Variants in MXRA7 observed in about 807,000 individuals in gnomAD.
The protein encoded by MXRA7 is matrix remodeling associated 7.
MXRA7 carries 18 observed loss-of-function variants against 17.4 expected under a neutral mutation model. That is an observed-to-expected ratio of 1.03 (90% confidence interval 0.71 to 1.53). The LOEUF (loss-of-function observed/expected upper bound fraction) is 1.53. MXRA7 is among the 40% of genes most tolerant of loss of function. The pLI, the probability that MXRA7 is intolerant of heterozygous loss-of-function variation, is 0.00. For synonymous variants in MXRA7, 70 were observed against 101.7 expected (o/e 0.69, Z 1.87); for missense variants, 141 against 209.3 (o/e 0.67, Z 2.01).
intron 2 of MXRA7, among the ~76,000 whole-genome samples, chr17:76,686,237 G>A (rs1326170619): frequency 6.6e-6 from 1 of 152,262 alleles, no homozygotes; most frequent in East Asian, 1.9e-4. Context: ...CCAGCACCTT[G>A]GGAGGCCAAG....
rs775475703 is a variant in MXRA7 at position 76,681,476 on chromosome 17, G to A, written c.501-597C>T. Among the ~76,000 whole-genome samples the A allele has an allele frequency of 1.3e-5, 2 of 152,084 alleles. No homozygotes were observed. Among genetic ancestry groups the A allele is most frequent in the Non-Finnish European group, 2.9e-5 (2 of 68,016 alleles). On this transcript the variant is annotated intron_variant, in intron 3 of 3. Coordinates refer to ENST00000449428, the MANE Select transcript of MXRA7 (RefSeq NM_198530.4). This position sits in a 1 kb window ranked among gnomAD's most constrained non-coding sequence, Gnocchi z 4.7. ...CTGAGCTGGAAATTCACACTGGCAG[G>A]TCTATTGTCTGTAGTTTCTTGCATA...
In MXRA7 at chr17:76,681,024, T is replaced by G; in HGVS notation, c.501-145A>C. 1.4e-6 allele frequency: 1 copy of G among 712,892 alleles called. No homozygotes were observed. The highest frequency in any genetic ancestry group is 2.4e-6 in the Non-Finnish European group (1 of 415,636). The allele number at this position is 712,892 out of a possible 1,614,324, so 44.2% of individuals were successfully genotyped here. ...GCTAGACTCTGGTTTCTCAAACCAC[T>G]GCTGATTTGCTTCTCATCGCTTGCA... On this transcript the variant is annotated intron_variant, in intron 3 of 3. Coordinates refer to ENST00000449428, the MANE Select transcript of MXRA7 (RefSeq NM_198530.4). This position sits in a 1 kb window ranked among gnomAD's most constrained non-coding sequence, Gnocchi z 4.7.
chr17:76,710,267 AGG>A (rs1567992866), intron 1 of MXRA7, among the ~76,000 whole-genome samples: 1 of 151,820 alleles, frequency 6.6e-6, no homozygotes. Flanking sequence ...GAAGTGGGTG[AGG>A]AGCAAAATTC....
intron 3 of MXRA7, among the ~76,000 whole-genome samples, chr17:76,682,285 G>A (rs2076315261): frequency 1.3e-5 from 2 of 152,104 alleles, no homozygotes; most frequent in Non-Finnish European, 2.9e-5. Flanking sequence ...TAAAGTTAGG[G>A]GACGTGCAGC....
At position 76,701,359 on chromosome 17, in the gene MXRA7, G is replaced by GC. The variant is rs985916684; in HGVS notation, c.342+9245_342+9246insG. Reference sequence around the variant, plus strand: ...TTTTGGTCTGAGCAGCTGAGCGTCGGGGGGGTGGATCCGGGATGAGATGAG... The same window carrying GC: ...TTTTGGTCTGAGCAGCTGAGCGTCGGCGGGGGTGGATCCGGGATGAGATGAG... On this transcript the variant is annotated intron_variant, in intron 1 of 3. Coordinates refer to ENST00000449428, the MANE Select transcript of MXRA7 (RefSeq NM_198530.4). 1.5e-4 allele frequency among the ~76,000 whole-genome samples: 22 copies of GC among 151,708 alleles called. 2 individuals carry two copies. Among genetic ancestry groups the GC allele is most frequent in the African/African-American group, 4.8e-4 (20 of 41,398 alleles).
At chr17:76,677,433 A>G, downstream of MXRA7, 3 of 594,660 alleles carry the variant, frequency 5.0e-6, no homozygotes, top group Non-Finnish European at 3.0e-6. Flanking sequence ...AGTAATATAC[A>G]CACTGCAAGA....
chr17:76,702,518 A>T (rs1169441950), intron 1 of MXRA7, among the ~76,000 whole-genome samples: 2 of 117,188 alleles, frequency 1.7e-5, no homozygotes, highest in Non-Finnish European at 3.4e-5. Flanking sequence ...AATAAATAAA[A>T]GAAGAAGAAG....
exon 4 of MXRA7, chr17:76,673,150 C>T (rs1229547895): frequency 6.6e-6 from 1 of 152,204 alleles, no homozygotes; most frequent in Admixed American, 6.5e-5. Context: ...TTGTACCCCA[C>T]TAGTGACTTG....
At chr17:76,688,076 T>G (rs1317633001) in intron 2 of MXRA7, 37 bp downstream of exon 2, 1 of 1,508,498 alleles carries the variant, frequency 6.6e-7, no homozygotes, top group East Asian at 2.7e-5. Context: ...CCCCCGACAC[T>G]GTCAGGCCCC....
At chr17:76,692,849 C>G (rs1030533900) in intron 1 of MXRA7, among the ~76,000 whole-genome samples, 4 of 152,106 alleles carry the variant, frequency 2.6e-5, no homozygotes, top group Non-Finnish European at 5.9e-5. Flanking sequence ...CTTTTATCGA[C>G]TGTTGGTCAG....
At chr17:76,694,025 T>C (rs1279873599) in intron 1 of MXRA7, among the ~76,000 whole-genome samples, 4 of 152,246 alleles carry the variant, frequency 2.6e-5, no homozygotes, top group African/African-American at 9.6e-5. Flanking sequence ...CTTTTGGAAG[T>C]TGTCCCTTGA....
chr17:76,694,642 G>A (rs1342119216), intron 1 of MXRA7, among the ~76,000 whole-genome samples: 2 of 152,156 alleles, frequency 1.3e-5, no homozygotes, highest in East Asian at 1.9e-4. Flanking sequence ...TGTTGGTAGA[G>A]TGATGCGATC....
chr17:76,678,782 A>C (rs2076261973), downstream of MXRA7, among the ~76,000 whole-genome samples: 1 of 152,040 alleles, frequency 6.6e-6, no homozygotes, highest in South Asian at 2.1e-4. Flanking sequence ...GTTCGCTCCC[A>C]TACTTTTGCT....
Position 76,710,662 on chromosome 17 carries a change from T to A in MXRA7, c.285A>T (p.Pro95=). 7.4e-7 allele frequency: 1 copy of A among 1,345,868 alleles called. No individual in the cohort carries two copies. The highest frequency in any genetic ancestry group is 9.6e-7 in the Non-Finnish European group (1 of 1,044,104). The allele number at this position is 1,345,868 out of a possible 1,614,324, so 83.4% of individuals were successfully genotyped here. The change falls in exon 1 of 4, where the codon CCA becomes CCT. Residue 95 remains proline (P), a synonymous_variant. Coordinates refer to ENST00000449428, the MANE Select transcript of MXRA7 (RefSeq NM_198530.4). ...EPAGPGEPEG[P]GDPAAAPAEA... Reference sequence around the variant, plus strand: ...CCGCTGGCGCCGCCGCGGGATCCCCTGGCCCTTCGGGCTCCCCCGGTCCCG... The same window carrying A: ...CCGCTGGCGCCGCCGCGGGATCCCCAGGCCCTTCGGGCTCCCCCGGTCCCG...
intron 1 of MXRA7, among the ~76,000 whole-genome samples, chr17:76,702,464 T>C (rs1446034494): frequency 6.6e-6 from 1 of 152,128 alleles, no homozygotes; most frequent in Non-Finnish European, 1.5e-5. Context: ...GCTATGATTG[T>C]GCCAATGCAC....
intron 2 of MXRA7, 135 bp from the exon 3 acceptor site, chr17:76,685,300 C>T (rs1365932005): frequency 3.0e-6 from 2 of 668,570 alleles, no homozygotes; most frequent in Non-Finnish European, 5.4e-6. Context: ...CATCTCACCC[C>T]AGCGCCTATA....
chr17:76,685,290 C>T (rs1463131725), intron 2 of MXRA7, 125 bp from the exon 3 acceptor site: 27 of 695,850 alleles, frequency 3.9e-5, no homozygotes, highest in Non-Finnish European at 6.9e-5. Flanking sequence ...CTATCAGAGA[C>T]ATCTCACCCC....
intron 1 of MXRA7, among the ~76,000 whole-genome samples, chr17:76,692,853 T>G (rs2076491787): frequency 6.6e-6 from 1 of 152,178 alleles, no homozygotes; most frequent in African/African-American, 2.4e-5. Context: ...TATCGACTGT[T>G]GGTCAGTGAC....
rs182383332 is a variant in MXRA7 at position 76,681,815 on chromosome 17, G to T, written c.501-936C>A. Among the ~76,000 whole-genome samples, 1 of 152,060 alleles carries T rather than the reference G, an allele frequency of 6.6e-6. No homozygotes were observed. Among genetic ancestry groups the T allele is most frequent in the Non-Finnish European group, 1.5e-5 (1 of 68,020 alleles). On this transcript the variant is annotated intron_variant, in intron 3 of 3. Coordinates refer to ENST00000449428, the MANE Select transcript of MXRA7 (RefSeq NM_198530.4). This position sits in a 1 kb window ranked among gnomAD's most constrained non-coding sequence, Gnocchi z 4.7. Reference sequence around the variant, plus strand: ...AGCCCTGCCAGCTTCCCTAGCTCTGGGGGAGGAGGAGGAGGCCTCTTGCTC... The same window carrying T: ...AGCCCTGCCAGCTTCCCTAGCTCTGTGGGAGGAGGAGGAGGCCTCTTGCTC...
Sources: gnomAD v4.1 joint callset for allele counts (sites outside exome capture counted in the v4.1 genomes callset) on GRCh38, gnomAD v4.1.1 for gene constraint, Gnocchi (gnomAD v3.1) non-coding constraint, MANE v1.5 for transcripts, NCBI Gene and HGNC (gene_info 2026-07-23, HGNC 2026-07-21) for gene names.